Variants in EPB41L1 observed in about 807,000 individuals in gnomAD.
EPB41L1 encodes band 4.1-like protein 1.
Under a neutral mutation model 97.8 loss-of-function variants are expected in EPB41L1, and 29 were observed. The ratio of observed to expected loss-of-function variants is 0.30; its 90% CI spans 0.22 to 0.40. The LOEUF (loss-of-function observed/expected upper bound fraction) is 0.40, where lower values mean the gene tolerates loss of function less well. Among genes scored for constraint, EPB41L1 ranks in the 10% least tolerant of loss-of-function variants. The pLI is 1.00. For missense variants in EPB41L1, 812 were observed against 1,162.3 expected, an observed-to-expected ratio of 0.70 and a Z score of 4.38; for synonymous variants, 383 against 459.2, an observed-to-expected ratio of 0.83 and a Z score of 2.12.
chr20:36,106,159 G>A (rs2058185720), intron 1 of EPB41L1, among the ~76,000 whole-genome samples: 1 of 152,216 alleles, frequency 6.6e-6, no homozygotes, highest in Non-Finnish European at 1.5e-5. Flanking sequence ...CTGGGTGTGG[G>A]TGGGGGAACT....
At chr20:36,158,533 G>C (rs1040741178) in intron 1 of EPB41L1, among the ~76,000 whole-genome samples, 2 of 152,214 alleles carry the variant, frequency 1.3e-5, no homozygotes, top group Non-Finnish European at 2.9e-5. Context: ...GCGGTCTGAT[G>C]TGCGTGGAAC....
At chr20:36,131,228 G>A (rs2059195816) in intron 2 of EPB41L1, among the ~76,000 whole-genome samples, 2 of 152,088 alleles carry the variant, frequency 1.3e-5, no homozygotes, top group Admixed American at 1.3e-4. Flanking sequence ...GCCCGCCTCG[G>A]CCTCCCAAAG....
chr20:36,198,930 A>C (rs1045482617), intron 14 of EPB41L1, among the ~76,000 whole-genome samples: 1 of 152,038 alleles, frequency 6.6e-6, no homozygotes, highest in Non-Finnish European at 1.5e-5. Context: ...CACCTACTTC[A>C]TGGGGATGTT....
rs1242125754 is a variant in EPB41L1, at chr20:36,207,224, C to A, written c.1669-2264C>A. On this transcript the variant is annotated intron_variant, in intron 14 of 21. Transcript: ENST00000338074. This position sits in a 1 kb window ranked among gnomAD's most constrained non-coding sequence, Gnocchi z 4.9. ...CATGTCCATCTTTCGAAAGCCAGCC[C>A]AGAGCCCAAGGACCAAGTAGGGTTT... The A allele has an allele frequency of 2.3e-6, 3 of 1,282,630 alleles. No homozygotes were observed. Among genetic ancestry groups the A allele is most frequent in the Non-Finnish European group, 3.0e-6 (3 of 984,258 alleles). The allele number at this position is 1,282,630 out of a possible 1,614,324, so 79.5% of individuals were successfully genotyped here.
chr20:36,157,205 A>G (rs1164018537), intron 1 of EPB41L1, among the ~76,000 whole-genome samples: 2 of 152,184 alleles, frequency 1.3e-5, no homozygotes, highest in East Asian at 3.9e-4. Flanking sequence ...GCCTGGAGAC[A>G]GAGCGAGACT....
intron 7 of EPB41L1, 70 bp downstream of exon 7, chr20:36,185,405 G>A (rs902142983): frequency 1.4e-6 from 2 of 1,423,122 alleles, no homozygotes; most frequent in African/African-American, 1.4e-5. Flanking sequence ...AGGCCTGAAT[G>A]TCCTAGGCCG....
upstream of EPB41L1, chr20:36,152,783 C>T (rs150291310): frequency 1.1e-3 from 377 of 346,470 alleles, 2 homozygotes; most frequent in African/African-American, 3.3e-3. Flanking sequence ...CCCAAGGCCA[C>T]GGCCCCAGGG....
intron 1 of EPB41L1, chr20:36,155,697 G>A (rs1275859400): frequency 6.6e-6 from 3 of 452,504 alleles, no homozygotes; most frequent in East Asian, 7.0e-5. Context: ...GGGGATGCTG[G>A]TCTCTCCCTC....
At chr20:36,187,907 TC>T (rs2061753389) in intron 8 of EPB41L1, 144 bp downstream of exon 8, 2 of 745,682 alleles carry the variant, frequency 2.7e-6, no homozygotes, top group Non-Finnish European at 4.7e-6. Flanking sequence ...TTCTCGAAGT[TC>T]CATAACCTTT....
intron 14 of EPB41L1, chr20:36,208,542 C>T (rs1281723911): frequency 1.6e-5 from 4 of 243,204 alleles, no homozygotes; most frequent in African/African-American, 9.3e-5. Flanking sequence ...GAATGTCTCC[C>T]TCACACCTCT....
chr20:36,119,499 G>A (rs2058682661), intron 2 of EPB41L1, among the ~76,000 whole-genome samples: 1 of 152,194 alleles, frequency 6.6e-6, no homozygotes, highest in Non-Finnish European at 1.5e-5. Flanking sequence ...CTACTCAGGA[G>A]GCTGAAGCAG....
At chr20:36,191,634 G>A (rs2061954819) in intron 11 of EPB41L1, among the ~76,000 whole-genome samples, 1 of 152,170 alleles carries the variant, frequency 6.6e-6, no homozygotes, top group African/African-American at 2.4e-5. Flanking sequence ...GGTCACTGGG[G>A]AGATTCAGAA....
At position 36,207,554 on chromosome 20, in the gene EPB41L1, A is replaced by AAGCAGAGC. The variant is rs1265225779; in HGVS notation, c.1669-1928_1669-1921dup. 5 of 1,289,812 alleles carry AAGCAGAGC rather than the reference A, an allele frequency of 3.9e-6. No individual in the cohort carries two copies. Among genetic ancestry groups the AAGCAGAGC allele is most frequent in the Non-Finnish European group, 5.1e-6 (5 of 988,898 alleles). The allele number at this position is 1,289,812 out of a possible 1,614,324, so 79.9% of individuals were successfully genotyped here. Reference sequence around the variant, plus strand: ...GTATCTTCAGAGGCACCCGTGGGACAAGCAGAGCAGCAGCGGAGTACGCTC... The same window carrying AAGCAGAGC: ...GTATCTTCAGAGGCACCCGTGGGACAAGCAGAGCAGCAGAGCAGCAGCGGAGTACGCTC... On this transcript the variant is annotated intron_variant, in intron 14 of 21. Transcript: ENST00000338074. This position sits in a 1 kb window ranked among gnomAD's most constrained non-coding sequence, Gnocchi z 4.9.
In EPB41L1 at chr20:36,209,889, C is replaced by T. The variant is rs745672816; in HGVS notation, c.2070C>T (p.Pro690=). 7 of 1,613,230 alleles carry T rather than the reference C, an allele frequency of 4.3e-6. No homozygotes were observed. The Admixed American group carries it at 1.0e-4, about 23-fold the overall frequency. The change falls in exon 15 of 22, where the codon CCC becomes CCT. Residue 690 remains proline, a synonymous_variant. Transcript: ENST00000338074. The surrounding 1 kb of genome is among the most constrained non-coding windows in gnomAD (Gnocchi z 4.2). The part of the protein sequence containing the change: ...DRGACSTPDM[P]QFEPVKTETM... Reference sequence around the variant, plus strand: ...GGGCCTGCTCCACCCCGGATATGCCCCAGTTTGAGGTACAGTGGAGCTTCC... The same window carrying T: ...GGGCCTGCTCCACCCCGGATATGCCTCAGTTTGAGGTACAGTGGAGCTTCC...
In EPB41L1 at chr20:36,221,928, A is replaced by G; in HGVS notation, c.2504A>G (p.Asp835Gly). 7 of 1,614,154 alleles carry G rather than the reference A, an allele frequency of 4.3e-6. No homozygotes were observed. Among genetic ancestry groups the G allele is most frequent in the Non-Finnish European group, 5.9e-6 (7 of 1,180,024 alleles). ...CGAATCATCATTACTGGGGATGAAG[A>G]TGTCGATCAAGACCAGGTATGGGGG... The part of the protein sequence containing the change: ...EKRIIITGDE[D>G]VDQDQALALA... The change falls in exon 20 of 22, where the codon GAT becomes GGT. Residue 835 changes from aspartate (D) to glycine (G), a missense_variant. Coordinates refer to ENST00000338074, the MANE Select transcript of EPB41L1 (RefSeq NM_012156.2).
At chr20:36,177,631 T>C (rs1490614466) in intron 3 of EPB41L1, among the ~76,000 whole-genome samples, 1 of 152,218 alleles carries the variant, frequency 6.6e-6, no homozygotes, top group Non-Finnish European at 1.5e-5. Context: ...GTTAGCCTCC[T>C]TCTCCTAATC....
intron 1 of EPB41L1, among the ~76,000 whole-genome samples, chr20:36,172,402 A>G (rs951604703): frequency 7.9e-5 from 12 of 152,226 alleles, no homozygotes; most frequent in Admixed American, 3.9e-4. Context: ...TTTAAAAGAT[A>G]AAAGTACTTC....
intron 3 of EPB41L1, 137 bp from the exon 4 acceptor site, chr20:36,177,815 G>T: frequency 1.4e-6 from 1 of 725,494 alleles, no homozygotes; most frequent in Non-Finnish European, 2.5e-6. Flanking sequence ...CCAAGTGGGT[G>T]GCAGGAGCGC....
In EPB41L1 at chr20:36,207,079, A is replaced by G. The variant is rs757969114; in HGVS notation, c.1669-2409A>G. Reference sequence around the variant, plus strand: ...AGCATTTCTTCACATGGAGGTGATCATTCCCCTGCCAGCCTCCCCTGGTCA... The same window carrying G: ...AGCATTTCTTCACATGGAGGTGATCGTTCCCCTGCCAGCCTCCCCTGGTCA... On this transcript the variant is annotated intron_variant, in intron 14 of 21. Transcript: ENST00000338074. The surrounding 1 kb of genome is among the most constrained non-coding windows in gnomAD (Gnocchi z 4.9). 11 of 1,289,248 alleles carry G rather than the reference A, an allele frequency of 8.5e-6. No homozygotes were observed. Among genetic ancestry groups the G allele is most frequent in the Non-Finnish European group, 1.1e-5 (11 of 988,398 alleles). The allele number at this position is 1,289,248 out of a possible 1,614,324, so 79.9% of individuals were successfully genotyped here. A position where few individuals can be genotyped will look rare whatever the true frequency, so the allele number is the denominator to read the frequency against.
Sources: gnomAD v4.1 joint callset for allele counts (sites outside exome capture counted in the v4.1 genomes callset) on GRCh38, gnomAD v4.1.1 for gene constraint, Gnocchi (gnomAD v3.1) non-coding constraint, MANE v1.5 for transcripts, NCBI Gene and HGNC (gene_info 2026-07-23, HGNC 2026-07-21) for gene names.